TPRG1: variants seen among roughly 807,000 people sequenced by gnomAD.
The protein encoded by TPRG1 is tumor protein p63 regulated 1.
Under a neutral mutation model 29.3 loss-of-function variants are expected in TPRG1, and 29 were observed. The observed-to-expected ratio is 0.99, with a 90% confidence interval of 0.74 to 1.35. The LOEUF is 1.35. Among genes scored for constraint, TPRG1 ranks in the 40% most tolerant of loss-of-function variants. TPRG1 has a pLI of 0.00. For missense variants in TPRG1, 327 were observed against 335.0 expected (o/e 0.98, Z 0.19); for synonymous variants, 130 against 116.8 (o/e 1.11, Z -0.73).
intron 4 of TPRG1, 98 bp downstream of exon 4, chr3:189,239,007 A>G: frequency 9.6e-7 from 1 of 1,039,848 alleles, no homozygotes; most frequent in East Asian, 2.6e-5. Flanking sequence ...AACTGGGAGA[A>G]CCCAAGGGAG....
At chr3:189,301,135 A>C (rs1329040894) in intron 4 of TPRG1, among the ~76,000 whole-genome samples, 8 of 151,752 alleles carry the variant, frequency 5.3e-5, no homozygotes, top group Non-Finnish European at 1.5e-5. Context: ...GTCTCTACTA[A>C]AAATACAAAA....
At chr3:189,159,868 G>GTGTGTGTGTGTGTGT (rs141895328) in intron 5 of TPRG1, among the ~76,000 whole-genome samples, 1,718 of 146,624 alleles carry the variant, frequency 0.012, 32 homozygotes, top group South Asian at 0.03. Context: ...GTGTGTGTGT[G>GTGTGTGTGTGTGTGT]GTGGTGGGGG....
chr3:189,232,403 C>T (rs1469940478), intron 3 of TPRG1, among the ~76,000 whole-genome samples: 2 of 152,186 alleles, frequency 1.3e-5, no homozygotes, highest in African/African-American at 2.4e-5. Context: ...GATAAGATAA[C>T]CTTTTTCAAG....
At chr3:189,304,116 GTTTT>G (rs67456701) in intron 4 of TPRG1, among the ~76,000 whole-genome samples, 65 of 137,044 alleles carry the variant, frequency 4.7e-4, no homozygotes, top group Admixed American at 2.2e-3. Context: ...GTTAACTCTT[GTTTT>G]TTTTTTTTTT....
chr3:189,312,035 C>T (rs1722576940), intron 5 of TPRG1, among the ~76,000 whole-genome samples: 1 of 152,100 alleles, frequency 6.6e-6, no homozygotes, highest in Admixed American at 6.5e-5. Flanking sequence ...CCATAATCTT[C>T]AAACTCTGTT....
intron 3 of TPRG1, among the ~76,000 whole-genome samples, chr3:189,134,750 G>A (rs1578476575): frequency 6.6e-6 from 1 of 152,106 alleles, no homozygotes; most frequent in Non-Finnish European, 1.5e-5. Flanking sequence ...TTACTCATAT[G>A]TTAATAGAGC....
intron 5 of TPRG1, among the ~76,000 whole-genome samples, chr3:189,162,762 T>TG (rs1000066234): frequency 2.6e-5 from 4 of 152,156 alleles, no homozygotes; most frequent in Non-Finnish European, 5.9e-5. Flanking sequence ...AAGATACACG[T>TG]GGGGAAATTT....
In TPRG1 at chr3:189,198,576, G is replaced by T. The variant is rs569306876; in HGVS notation, c.-9-8800G>T. On this transcript the variant is annotated intron_variant, in intron 1 of 5. Transcript: ENST00000345063. ...AATGCGCACAGATAAAACAAATTAAGCCTTGTCCTTCCAATCTGAAGCACT... is the reference window on the plus strand; with the variant it reads ...AATGCGCACAGATAAAACAAATTAATCCTTGTCCTTCCAATCTGAAGCACT... Among the ~76,000 whole-genome samples the T allele has an allele frequency of 2.3e-4, 35 of 152,320 alleles. No individual in the cohort carries two copies. In the South Asian group the frequency reaches 7.3e-3, roughly 32 times the overall value.
chr3:189,296,536 T>G (rs1464017256), intron 4 of TPRG1, among the ~76,000 whole-genome samples: 1 of 152,188 alleles, frequency 6.6e-6, no homozygotes, highest in African/African-American at 2.4e-5. Flanking sequence ...GGAGGGTGTT[T>G]CATGGCATAT....
intron 4 of TPRG1, among the ~76,000 whole-genome samples, chr3:189,254,509 T>A (rs1269734152): frequency 6.6e-6 from 1 of 152,256 alleles, no homozygotes; most frequent in Non-Finnish European, 1.5e-5. Context: ...TATGGGCTCA[T>A]CTTTGGTTCC....
At chr3:189,300,272 T>C (rs1402060538) in intron 4 of TPRG1, among the ~76,000 whole-genome samples, 2 of 152,200 alleles carry the variant, frequency 1.3e-5, no homozygotes, top group Admixed American at 1.3e-4. Flanking sequence ...ATCTGTAAAA[T>C]AGAGATTATA....
intron 5 of TPRG1, among the ~76,000 whole-genome samples, chr3:189,311,997 A>C (rs1257709557): frequency 6.6e-6 from 1 of 152,192 alleles, no homozygotes; most frequent in Non-Finnish European, 1.5e-5. Context: ...AGAAGTTCTT[A>C]TTAATAATAA....
chr3:189,177,564 C>T (rs1477843583), intron 1 of TPRG1, among the ~76,000 whole-genome samples: 1 of 151,260 alleles, frequency 6.6e-6, no homozygotes, highest in Non-Finnish European at 1.5e-5. Flanking sequence ...GCAATGAAAT[C>T]AAATGAGGTA....
At chr3:189,234,084 G>T (rs1359018013) in intron 3 of TPRG1, among the ~76,000 whole-genome samples, 5 of 152,082 alleles carry the variant, frequency 3.3e-5, no homozygotes, top group African/African-American at 9.7e-5. Context: ...TCCCTGTGTT[G>T]CCCAGGCTGG....
chr3:189,105,121 T>C (rs928151396), intron 1 of TPRG1, among the ~76,000 whole-genome samples: 26 of 152,144 alleles, frequency 1.7e-4, no homozygotes, highest in African/African-American at 6.0e-4. Flanking sequence ...TACAACTCTC[T>C]GATGTTGGTG....
chr3:189,076,441 C>T (rs997869516), intron 4 of TPRG1, among the ~76,000 whole-genome samples: 5 of 152,022 alleles, frequency 3.3e-5, no homozygotes, highest in African/African-American at 4.8e-5. Context: ...TCTGTAAGTG[C>T]ACCTTTAGTA....
chr3:189,165,711 GC>G lies in TPRG1; in HGVS notation c.-10+14840del, dbSNP rs140235154. On this transcript the variant is annotated intron_variant, in intron 5 of 6. Transcript: ENST00000412373. ...CTGTCTTTGATTCAGGCTGCTCACT[GC>G]ACTGGGGGTGGGACTATTATTTGTG... Among the ~76,000 whole-genome samples the G allele has an allele frequency of 9.5e-3, 1,452 of 152,226 alleles. 24 individuals are homozygous for G. Among genetic ancestry groups the G allele is most frequent in the African/African-American group, 0.032 (1,316 of 41,522 alleles).
chr3:189,229,704 G>A (rs1294158003), intron 3 of TPRG1, among the ~76,000 whole-genome samples: 1 of 152,230 alleles, frequency 6.6e-6, no homozygotes, highest in African/African-American at 2.4e-5. Context: ...GACCACTCTT[G>A]AGAGAGTAGC....
At chr3:189,314,327 G>A (rs1485519662) in intron 5 of TPRG1, among the ~76,000 whole-genome samples, 2 of 152,186 alleles carry the variant, frequency 1.3e-5, no homozygotes, top group Non-Finnish European at 2.9e-5. Flanking sequence ...TTGGGCCAAA[G>A]CTGAGTAGTC....
Sources: allele counts gnomAD v4.1 joint callset (sites outside exome capture counted in the v4.1 genomes callset), GRCh38; gene constraint gnomAD v4.1.1; transcripts MANE v1.5; gene names NCBI Gene and HGNC (gene_info 2026-07-23, HGNC 2026-07-21).